The following CASQ1 variants were observed in gnomAD, a reference collection of about 807,000 sequenced individuals.
CASQ1 encodes the protein calsequestrin-1.
Under a neutral mutation model 49.5 loss-of-function variants are expected in CASQ1, and 40 were observed. That is an observed-to-expected ratio of 0.81 (90% CI 0.63 to 1.05). CASQ1 has a LOEUF of 1.05. CASQ1 is among the 50% of genes least tolerant of loss of function. The probability of loss-of-function intolerance (pLI) is 0.00; values close to 1 mark genes in which losing one functional copy is unlikely to be tolerated. For synonymous variants in CASQ1, 174 were observed against 187.2 expected, an observed-to-expected ratio of 0.93 and a Z score of 0.58; for missense variants, 469 against 486.9, an observed-to-expected ratio of 0.96 and a Z score of 0.35.
At chr1:160,199,811 C>T in intron 9 of CASQ1, 40 bp from the exon 10 acceptor site, 1 of 1,337,370 alleles carries the variant, frequency 7.5e-7, no homozygotes. Flanking sequence ...CATGTGCTCC[C>T]TAGTATCTAT....
chr1:160,200,872 T>G (rs1400592754), intron 10 of CASQ1, among the ~76,000 whole-genome samples: 1 of 152,198 alleles, frequency 6.6e-6, no homozygotes, highest in Non-Finnish European at 1.5e-5. Flanking sequence ...AGACCATGTC[T>G]CTTTTAGAAA....
Position 160,190,823 on chromosome 1 carries a change from GC to G in CASQ1, c.73del (p.Leu25Ter). On this transcript the variant is annotated frameshift_variant, in exon 1 of 11. Transcript: ENST00000368078. LOFTEE classifies it high-confidence loss of function. Reference sequence around the variant, plus strand: ...GGCTGGCACTGCTGTTGCTGCTGGTGCTAGGGACACCCAAGTCAGGGGTACA... The same window carrying G: ...GGCTGGCACTGCTGTTGCTGCTGGTGTAGGGACACCCAAGTCAGGGGTACA... The part of the protein sequence containing the change: ...LRLALLLLLV[L>X]GTPKSGVQGQ... 6.2e-7 allele frequency: 1 copy of G among 1,614,176 alleles called. No homozygotes were observed. The highest frequency in any genetic ancestry group is 8.5e-7 in the Non-Finnish European group (1 of 1,180,020).
At chr1:160,192,188 G>T (rs1158913059) in intron 1 of CASQ1, among the ~76,000 whole-genome samples, 2 of 151,600 alleles carry the variant, frequency 1.3e-5, no homozygotes, top group Non-Finnish European at 2.9e-5. Flanking sequence ...AGTGCGAAAG[G>T]GGAAAGTTGG....
At position 160,190,608 on chromosome 1, in the gene CASQ1, T is replaced by G. The variant is rs963830998; in HGVS notation, c.-144T>G. The G allele has an allele frequency of 1.4e-6, 1 of 721,574 alleles. No individual in the cohort carries two copies. Among genetic ancestry groups the G allele is most frequent in the African/African-American group, 1.8e-5 (1 of 55,954 alleles). The allele number at this position is 721,574 out of a possible 1,614,324, so 44.7% of individuals were successfully genotyped here. ...CGGCAGTTTCTCCAGGACCCAGCAG[T>G]GCCCTCTGTCCACTGCTCTGGGCCA... On this transcript the variant is annotated 5_prime_UTR_variant, in exon 1 of 11. Transcript: ENST00000368078.
At position 160,193,814 on chromosome 1, in the gene CASQ1, T is replaced by A; in HGVS notation, c.432T>A (p.Phe144Leu). 1 of 1,612,998 alleles carries A rather than the reference T, an allele frequency of 6.2e-7. No homozygotes were observed. The highest frequency in any genetic ancestry group is 8.5e-7 in the Non-Finnish European group (1 of 1,179,248). ...AAGTCATTGAGTACGATGGCGAGTT[T>A]TCTGCTGACACCATCGTGGAGTTTC... is the stretch of plus-strand genomic sequence containing the variant. ...GDEVIEYDGEFSADTIVEFLL... is the reference protein window; with the variant it reads ...GDEVIEYDGELSADTIVEFLL... Residue 144 changes from phenylalanine (F) to leucine (L), a missense_variant, in exon 3 of 11, where the codon TTT (phenylalanine) becomes TTA (leucine). Coordinates refer to ENST00000368078, the MANE Select transcript of CASQ1 (RefSeq NM_001231.5).
chr1:160,192,900 G>A lies in CASQ1; in HGVS notation c.364+14G>A, dbSNP rs763462489. ...CCAAGAAACTAGGTAAGAGAGGGGA[G>A]GGCAGGGGAGGGGAAGGTGGCATTG... On this transcript the variant is annotated intron_variant, in intron 2 of 10. Transcript: ENST00000368078. 1.9e-6 allele frequency: 3 copies of A among 1,605,868 alleles called. No homozygotes were observed. The highest frequency in any genetic ancestry group is 2.6e-6 in the Non-Finnish European group (3 of 1,172,704).
intron 7 of CASQ1, 113 bp downstream of exon 7, chr1:160,197,727 T>C (rs1340659398): frequency 3.8e-6 from 3 of 780,220 alleles, no homozygotes; most frequent in Non-Finnish European, 6.8e-6. Flanking sequence ...GAAAAAACAG[T>C]GCACTGACCA....
Position 160,195,663 on chromosome 1 carries a change from C to T in CASQ1, c.651+129C>T, listed in dbSNP as rs1383290633. Reference sequence around the variant, plus strand: ...GGCACTCCCTACCTGCCCCCCCCCCCGGCTCCTCCCACTCCATAGATTTAG... The same window carrying T: ...GGCACTCCCTACCTGCCCCCCCCCCTGGCTCCTCCCACTCCATAGATTTAG... On this transcript the variant is annotated intron_variant, in intron 5 of 10. Transcript: ENST00000368078. The T allele has an allele frequency of 2.9e-5, 24 of 830,842 alleles. 1 individual carries two copies. Among genetic ancestry groups the T allele is most frequent in the East Asian group, 1.6e-4 (6 of 38,010 alleles). 51.5% of individuals were successfully genotyped at this position (830,842 alleles called of 1,614,324 possible).
chr1:160,201,591 ACTTCTGTTT>A lies in CASQ1; in HGVS notation c.*219_*227del. 3.4e-6 allele frequency: 2 copies of A among 586,700 alleles called. No individual in the cohort carries two copies. Among genetic ancestry groups the A allele is most frequent in the Non-Finnish European group, 6.1e-6 (2 of 328,912 alleles). 36.3% of individuals were successfully genotyped at this position (586,700 alleles called of 1,614,324 possible). On this transcript the variant is annotated 3_prime_UTR_variant, in exon 11 of 11. Coordinates refer to ENST00000368078, the MANE Select transcript of CASQ1 (RefSeq NM_001231.5). ...CACCAGGCCAGCTCTCTCTTATCTG[ACTTCTGTTT>A]CTTATCCCATAACTTACTTGTATCT...
intron 7 of CASQ1, chr1:160,198,460 C>T (rs556945524): frequency 4.5e-5 from 19 of 423,672 alleles, no homozygotes; most frequent in Middle Eastern, 6.4e-4. Flanking sequence ...GCCGAGATCG[C>T]GCCATTGCAC....
Position 160,197,634 on chromosome 1 carries a change from G to T in CASQ1, c.828+20G>T, listed in dbSNP as rs969822318. On this transcript the variant is annotated intron_variant, in intron 7 of 10. Transcript: ENST00000368078. ...ACCTGGGTGAGTGCCCCTGGCCAGG[G>T]TCAAGCCCTCAGGGAAGCATGGGTG... is the stretch of plus-strand genomic sequence containing the variant. 1.9e-6 allele frequency: 3 copies of T among 1,581,136 alleles called. No individual in the cohort carries two copies. Among genetic ancestry groups the T allele is most frequent in the Non-Finnish European group, 2.6e-6 (3 of 1,150,126 alleles).
rs373167756 is a variant in CASQ1 at position 160,195,902 on chromosome 1, A to G, written c.657A>G (p.Ala219=). ...PFFATFDSKV[A]KKLTLKLNEI... is the part of the protein sequence containing the mutation. Reference sequence around the variant, plus strand: ...TCCTACCCCCTCTCCCAAAGGTGGCAAAGAAGCTGACCCTGAAGCTGAATG... The same window carrying G: ...TCCTACCCCCTCTCCCAAAGGTGGCGAAGAAGCTGACCCTGAAGCTGAATG... The change falls in exon 6 of 11, where the codon GCA becomes GCG. Residue 219 remains alanine (A), a synonymous_variant. Transcript: ENST00000368078. 1.5e-5 allele frequency: 24 copies of G among 1,613,700 alleles called. No individual in the cohort carries two copies. The African/African-American group carries it at 2.9e-4, about 20-fold the overall frequency.
Position 160,192,812 on chromosome 1 carries a change from A to C in CASQ1, c.290A>C (p.Gln97Pro). 6.2e-7 allele frequency: 1 copy of C among 1,613,972 alleles called. No individual in the cohort carries two copies. The highest frequency in any genetic ancestry group is 8.5e-7 in the Non-Finnish European group (1 of 1,179,862). ...MEELILELAA[Q>P]VLEDKGVGFG... is the part of the protein sequence containing the mutation. The stretch of plus-strand genomic sequence containing the variant: ...AATCCTTCCCTCCAGTTAGCAGCCC[A>C]AGTCCTAGAAGACAAGGGTGTTGGC... The change falls in exon 2 of 11, where the codon CAA becomes CCA. Residue 97 changes from glutamine to proline, a missense_variant. Coordinates refer to ENST00000368078, the MANE Select transcript of CASQ1 (RefSeq NM_001231.5).
At chr1:160,195,662 C>A (rs1329381121) in intron 5 of CASQ1, 128 bp downstream of exon 5, 3 of 832,724 alleles carry the variant, frequency 3.6e-6, no homozygotes, top group Non-Finnish European at 5.8e-6. Context: ...GCCCCCCCCC[C>A]CGGCTCCTCC....
rs777111674 is a variant in CASQ1, at chr1:160,191,057, A to G, written c.279+27A>G. On this transcript the variant is annotated intron_variant, in intron 1 of 10. Transcript: ENST00000368078. The stretch of plus-strand genomic sequence containing the variant: ...TGAGTTGGGGGCACTGCAGGCCTGC[A>G]GAGCATGTCTAGCCCCTCTCCGGAA... 6.2e-6 allele frequency: 10 copies of G among 1,610,214 alleles called. No individual in the cohort carries two copies. In the Admixed American group the frequency reaches 1.7e-4, roughly 27 times the overall value.
At chr1:160,199,813 A>G (rs1428495230) in intron 9 of CASQ1, 38 bp from the exon 10 acceptor site, 1 of 1,331,524 alleles carries the variant, frequency 7.5e-7, no homozygotes, top group African/African-American at 1.4e-5. Context: ...TGTGCTCCCT[A>G]GTATCTATTA....
intron 10 of CASQ1, among the ~76,000 whole-genome samples, chr1:160,200,589 C>T (rs754310579): frequency 3.3e-5 from 5 of 152,160 alleles, no homozygotes; most frequent in Non-Finnish European, 7.3e-5. Flanking sequence ...CATTTCCAAA[C>T]TGAGGAAAAA....
intron 3 of CASQ1, 104 bp from the exon 4 acceptor site, chr1:160,194,908 C>A: frequency 1.5e-6 from 1 of 676,738 alleles, no homozygotes; most frequent in Admixed American, 2.6e-5. Context: ...ACACTGTCAA[C>A]ATCTAGCCCC....
intron 10 of CASQ1, among the ~76,000 whole-genome samples, chr1:160,200,220 T>G (rs556193853): frequency 6.6e-6 from 1 of 152,346 alleles, no homozygotes; most frequent in East Asian, 1.9e-4. Flanking sequence ...CAATAGCCAT[T>G]GAGAACATGA....
Sources: allele counts gnomAD v4.1 joint callset (sites outside exome capture counted in the v4.1 genomes callset), GRCh38; gene constraint gnomAD v4.1.1; transcripts MANE v1.5; gene names NCBI Gene and HGNC (gene_info 2026-07-23, HGNC 2026-07-21).